Variants in LRRTM3 observed in about 807,000 individuals in gnomAD.
The protein encoded by LRRTM3 is leucine-rich repeat transmembrane neuronal protein 3.
LRRTM3 carries 24 observed loss-of-function variants against 44.7 expected under a neutral mutation model. The ratio of observed to expected loss-of-function variants is 0.54; its 90% CI spans 0.39 to 0.76. LRRTM3 has a LOEUF of 0.76. Ranked by LOEUF, LRRTM3 falls within the 30% of genes least tolerant of loss-of-function variation. The probability of loss-of-function intolerance (pLI) is 0.00; values close to 1 mark genes in which losing one functional copy is unlikely to be tolerated. For synonymous variants in LRRTM3, 277 were observed against 278.7 expected (o/e 0.99, Z 0.06); for missense variants, 587 against 702.2 (o/e 0.84, Z 1.85).
At chr10:67,079,206 C>T (rs572482023) in intron 2 of LRRTM3, among the ~76,000 whole-genome samples, 2 of 152,266 alleles carry the variant, frequency 1.3e-5, no homozygotes, top group South Asian at 4.1e-4. Flanking sequence ...GCAAGGTTAA[C>T]TTATGAGCAC....
At chr10:66,975,202 A>G (rs776686118) in intron 2 of LRRTM3, among the ~76,000 whole-genome samples, 15 of 152,174 alleles carry the variant, frequency 9.9e-5, no homozygotes, top group Non-Finnish European at 1.6e-4. Flanking sequence ...TCAATAACTG[A>G]TTTATTTGAT....
intron 2 of LRRTM3, among the ~76,000 whole-genome samples, chr10:67,067,634 C>T (rs1856173829): frequency 6.6e-6 from 1 of 152,182 alleles, no homozygotes; most frequent in Admixed American, 6.5e-5. Flanking sequence ...CCTTAGAGTA[C>T]ATCCTAGGTA....
At chr10:66,958,308 CAAA>C (rs35076056) in intron 2 of LRRTM3, among the ~76,000 whole-genome samples, 70 of 86,912 alleles carry the variant, frequency 8.1e-4, no homozygotes, top group African/African-American at 2.7e-3. Context: ...TGCTTTCTTG[CAAA>C]AAAAAAAAAA....
intron 2 of LRRTM3, among the ~76,000 whole-genome samples, chr10:66,980,965 GGT>G (rs1337854326): frequency 6.6e-6 from 1 of 152,084 alleles, no homozygotes. Flanking sequence ...GGAGTGCGAT[GGT>G]GTGATTTCGG....
intron 2 of LRRTM3, among the ~76,000 whole-genome samples, chr10:67,017,125 A>T (rs1479227824): frequency 6.6e-6 from 1 of 152,254 alleles, no homozygotes; most frequent in African/African-American, 2.4e-5. Context: ...ATGTAACAAT[A>T]ACTGAGCAAA....
intron 2 of LRRTM3, among the ~76,000 whole-genome samples, chr10:67,090,597 A>T (rs986323376): frequency 6.6e-6 from 1 of 152,134 alleles, no homozygotes. Flanking sequence ...AAACTATCTA[A>T]GTCTTCCTTT....
At chr10:67,096,044 G>T (rs1447759231) in intron 2 of LRRTM3, among the ~76,000 whole-genome samples, 1 of 151,536 alleles carries the variant, frequency 6.6e-6, no homozygotes, top group Non-Finnish European at 1.5e-5. Context: ...ATAACTTCAT[G>T]TTTTAAATCT....
At chr10:67,006,171 A>G (rs138989770) in intron 2 of LRRTM3, among the ~76,000 whole-genome samples, 120 of 152,280 alleles carry the variant, frequency 7.9e-4, no homozygotes, top group African/African-American at 2.8e-3. Flanking sequence ...GCTGAGTTGC[A>G]TAAAGTGAAG....
chr10:67,082,635 G>A (rs1564879168), intron 2 of LRRTM3, among the ~76,000 whole-genome samples: 1 of 152,068 alleles, frequency 6.6e-6, no homozygotes. Flanking sequence ...GGAGAAAAAA[G>A]GAAACCGTGC....
intron 2 of LRRTM3, among the ~76,000 whole-genome samples, chr10:67,094,783 A>T (rs1203781226): frequency 6.6e-6 from 1 of 151,758 alleles, no homozygotes; most frequent in East Asian, 1.9e-4. Flanking sequence ...AATTCAACAA[A>T]GACTTACCTG....
At chr10:67,016,822 A>AT (rs1212997201) in intron 2 of LRRTM3, among the ~76,000 whole-genome samples, 2 of 152,080 alleles carry the variant, frequency 1.3e-5, no homozygotes, top group Non-Finnish European at 2.9e-5. Context: ...CTTCTTTGAT[A>AT]ATTTTAGTAG....
At chr10:67,040,570 A>G (rs1854329732) in intron 2 of LRRTM3, among the ~76,000 whole-genome samples, 1 of 152,092 alleles carries the variant, frequency 6.6e-6, no homozygotes, top group South Asian at 2.1e-4. Flanking sequence ...TTCTGAAAAT[A>G]TAAGATGGAA....
chr10:67,066,916 G>A (rs539424446), intron 2 of LRRTM3, among the ~76,000 whole-genome samples: 139 of 152,280 alleles, frequency 9.1e-4, no homozygotes, highest in Middle Eastern at 6.8e-3. Flanking sequence ...GTTTGGACAT[G>A]AGCAATATTT....
intron 2 of LRRTM3, among the ~76,000 whole-genome samples, chr10:66,977,806 A>G (rs554243640): frequency 2.6e-5 from 4 of 152,306 alleles, no homozygotes; most frequent in South Asian, 4.1e-4. Context: ...TGTACTTCCA[A>G]TTGTCACTAA....
Position 66,928,281 on chromosome 10 carries a change from C to T in LRRTM3, c.1365C>T (p.Arg455=), listed in dbSNP as rs147522212. The T allele has an allele frequency of 3.1e-6, 5 of 1,614,042 alleles. No homozygotes were observed. In the African/African-American group the frequency reaches 5.3e-5, roughly 17 times the overall value. ...CGAGCATGAAGCAGCTGCAGCAGCGCTCCCTCATGCGAAGGCACAGGAAAA... is the reference window on the plus strand; with the variant it reads ...CGAGCATGAAGCAGCTGCAGCAGCGTTCCCTCATGCGAAGGCACAGGAAAA... The part of the protein sequence containing the change: ...YPASMKQLQQ[R]SLMRRHRKKK... Residue 455 remains arginine (R), a synonymous_variant, in exon 2 of 3, where the codon CGC becomes CGT. Transcript: ENST00000361320.
At chr10:66,965,287 A>G (rs893055194) in intron 2 of LRRTM3, among the ~76,000 whole-genome samples, 2 of 151,926 alleles carry the variant, frequency 1.3e-5, no homozygotes, top group Non-Finnish European at 2.9e-5. Flanking sequence ...CTGTAATCTC[A>G]ACACTTTGGG....
intron 2 of LRRTM3, among the ~76,000 whole-genome samples, chr10:66,986,381 C>G (rs1405098847): frequency 6.6e-6 from 1 of 152,098 alleles, no homozygotes; most frequent in Non-Finnish European, 1.5e-5. Flanking sequence ...CCTATAGTCC[C>G]AGCTACTCTG....
chr10:67,010,515 T>C (rs1450976044), intron 2 of LRRTM3, among the ~76,000 whole-genome samples: 1 of 152,222 alleles, frequency 6.6e-6, no homozygotes, highest in Non-Finnish European at 1.5e-5. Flanking sequence ...TGCTATCCTG[T>C]AGGTATTAGA....
At chr10:66,968,400 C>A (rs1482010881) in intron 2 of LRRTM3, among the ~76,000 whole-genome samples, 2 of 145,174 alleles carry the variant, frequency 1.4e-5, no homozygotes, top group African/African-American at 2.5e-5. Flanking sequence ...ATTAGTTTGA[C>A]ATTAAGGGAA....
Sources: allele counts gnomAD v4.1 joint callset (sites outside exome capture counted in the v4.1 genomes callset), GRCh38; gene constraint gnomAD v4.1.1; transcripts MANE v1.5; gene names NCBI Gene and HGNC (gene_info 2026-07-23, HGNC 2026-07-21).